The following CYSTM1 variants were observed in gnomAD, a reference collection of about 807,000 sequenced individuals.
CYSTM1 encodes the protein cysteine-rich transmembrane module-containing protein 1.
A neutral mutation model predicts 13.1 loss-of-function variants in CYSTM1; 4 were observed. That is an observed-to-expected ratio of 0.31 (90% CI 0.15 to 0.70). The LOEUF (loss-of-function observed/expected upper bound fraction) is 0.70. CYSTM1 is among the 30% of genes least tolerant of loss of function. The probability of loss-of-function intolerance (pLI) is 0.72; values close to 1 mark genes in which losing one functional copy is unlikely to be tolerated. For synonymous variants in CYSTM1, 36 were observed against 42.7 expected (o/e 0.84, Z 0.62); for missense variants, 96 against 121.6 (o/e 0.79, Z 0.99).
chr5:140,211,532 T>G (rs962790007), intron 2 of CYSTM1, among the ~76,000 whole-genome samples: 7 of 152,218 alleles, frequency 4.6e-5, no homozygotes, highest in African/African-American at 1.7e-4. Context: ...ATCCCCCAGA[T>G]CTCTGACCCA....
intron 2 of CYSTM1, among the ~76,000 whole-genome samples, chr5:140,237,863 AG>A (rs1561484375): frequency 6.6e-6 from 1 of 152,180 alleles, no homozygotes. Flanking sequence ...GGTTTTGTCC[AG>A]GGGCAGCCTC....
chr5:140,227,925 GTGTGTGTATT>G (rs1221415867), intron 2 of CYSTM1, among the ~76,000 whole-genome samples: 1 of 152,174 alleles, frequency 6.6e-6, no homozygotes, highest in African/African-American at 2.4e-5. Context: ...AGAAATGTGT[GTGTGTGTATT>G]TGTGTGTATA....
chr5:140,176,752 C>T (rs1366028913), intron 1 of CYSTM1, among the ~76,000 whole-genome samples: 1 of 152,174 alleles, frequency 6.6e-6, no homozygotes, highest in Non-Finnish European at 1.5e-5. Context: ...GAGTCCCATA[C>T]TATTTGTTGA....
At chr5:140,231,116 T>C (rs755305483) in intron 2 of CYSTM1, among the ~76,000 whole-genome samples, 19 of 152,244 alleles carry the variant, frequency 1.2e-4, no homozygotes, top group Non-Finnish European at 2.4e-4. Flanking sequence ...AATTTATTTT[T>C]GTCTTCTTTT....
chr5:140,203,312 C>T (rs1323159822), intron 2 of CYSTM1: 3 of 152,228 alleles, frequency 2.0e-5, no homozygotes, highest in Non-Finnish European at 4.4e-5. Context: ...TTTCCCCAAA[C>T]CTTACATAGC....
intron 1 of CYSTM1, among the ~76,000 whole-genome samples, chr5:140,192,229 C>T (rs1764103537): frequency 6.6e-6 from 1 of 152,172 alleles, no homozygotes; most frequent in African/African-American, 2.4e-5. Flanking sequence ...CTACTCCTAC[C>T]CAGCAGTCTG....
chr5:140,233,733 T>C (rs553504444), intron 2 of CYSTM1, among the ~76,000 whole-genome samples: 3 of 152,366 alleles, frequency 2.0e-5, no homozygotes, highest in Admixed American at 6.5e-5. Flanking sequence ...TAATAGTTAG[T>C]GATGAAGTCA....
chr5:140,178,191 A>G (rs1415447004), intron 1 of CYSTM1, among the ~76,000 whole-genome samples: 1 of 152,102 alleles, frequency 6.6e-6, no homozygotes, highest in Admixed American at 6.6e-5. Context: ...TTGAGCTCAC[A>G]TTTGTCAACT....
At chr5:140,179,101 A>T (rs1354594095) in intron 1 of CYSTM1, among the ~76,000 whole-genome samples, 1 of 151,528 alleles carries the variant, frequency 6.6e-6, no homozygotes, top group Non-Finnish European at 1.5e-5. Context: ...GCTACAAAAA[A>T]TTTTTAAAAA....
chr5:140,195,679 C>G (rs1020561408), intron 2 of CYSTM1, among the ~76,000 whole-genome samples: 5 of 150,836 alleles, frequency 3.3e-5, no homozygotes, highest in Non-Finnish European at 4.4e-5. Flanking sequence ...GATCCGCCCC[C>G]CTTGGCCTTC....
chr5:140,218,495 G>A (rs1402808315), intron 2 of CYSTM1, among the ~76,000 whole-genome samples: 1 of 152,190 alleles, frequency 6.6e-6, no homozygotes, highest in African/African-American at 2.4e-5. Flanking sequence ...AACCCAATAA[G>A]GGAATAGGTA....
chr5:140,181,694 C>G (rs936677596), intron 1 of CYSTM1, among the ~76,000 whole-genome samples: 7 of 152,120 alleles, frequency 4.6e-5, no homozygotes, highest in Non-Finnish European at 1.0e-4. Context: ...ACTATGTTGC[C>G]CAGGCTGGTC....
At chr5:140,226,512 ATT>A (rs1561816364) in intron 2 of CYSTM1, among the ~76,000 whole-genome samples, 21 of 124,462 alleles carry the variant, frequency 1.7e-4, no homozygotes, top group African/African-American at 3.0e-4. Context: ...ATAAATATAT[ATT>A]AATAATATAT....
intron 2 of CYSTM1, among the ~76,000 whole-genome samples, chr5:140,241,524 A>G (rs972237555): frequency 4.6e-5 from 7 of 152,240 alleles, no homozygotes; most frequent in African/African-American, 1.7e-4. Context: ...GATGGCCTGC[A>G]CATGAATCAA....
rs1764611541 is a variant in CYSTM1 at position 140,230,994 on chromosome 5, A to G, written c.188-12311A>G. On this transcript the variant is annotated intron_variant, in intron 2 of 2. Coordinates refer to ENST00000261811, the MANE Select transcript of CYSTM1 (RefSeq NM_032412.4). The surrounding 1 kb of genome is among the most constrained non-coding windows in gnomAD (Gnocchi z 4.1). ...CATTTTAGAATGTGTGTTAGTTTCT[A>G]CAGAAAACCATGTTTGGCTTTGATT... Among the ~76,000 whole-genome samples the G allele has an allele frequency of 6.6e-6, 1 of 152,138 alleles. No homozygotes were observed. Among genetic ancestry groups the G allele is most frequent in the African/African-American group, 2.4e-5 (1 of 41,402 alleles).
chr5:140,205,136 T>G (rs1411987500), intron 2 of CYSTM1, among the ~76,000 whole-genome samples: 1 of 152,204 alleles, frequency 6.6e-6, no homozygotes, highest in East Asian at 1.9e-4. Flanking sequence ...TCTTTGTGAT[T>G]TGAAGACATG....
At chr5:140,204,760 A>AC (rs1253124534) in intron 2 of CYSTM1, among the ~76,000 whole-genome samples, 3 of 149,428 alleles carry the variant, frequency 2.0e-5, no homozygotes, top group Non-Finnish European at 4.5e-5. Context: ...CTGCATCTTC[A>AC]ACAGTGCTGA....
rs1764723698 is a variant in CYSTM1, at chr5:140,239,629, TTTCTGACCTAGCCTGGGCTCCTGGGCCA to T, written c.188-3675_188-3648del. ...CCTGAGACCCAGGGCTTCCTGGGCC[TTTCTGACCTAGCCTGGGCTCCTGGGCCA>T]CATCTGTGTGCTCACGCACCTCTCC... On this transcript the variant is annotated intron_variant, in intron 2 of 2. Coordinates refer to ENST00000261811, the MANE Select transcript of CYSTM1 (RefSeq NM_032412.4). The surrounding 1 kb of genome is among the most constrained non-coding windows in gnomAD (Gnocchi z 5.4). 6.6e-6 allele frequency among the ~76,000 whole-genome samples: 1 copy of T among 152,226 alleles called. No individual in the cohort carries two copies. The highest frequency in any genetic ancestry group is 1.5e-5 in the Non-Finnish European group (1 of 68,036).
chr5:140,226,255 A>G (rs1350181445), intron 2 of CYSTM1, among the ~76,000 whole-genome samples: 1 of 151,682 alleles, frequency 6.6e-6, no homozygotes, highest in East Asian at 1.9e-4. Context: ...TGAGGGTTGG[A>G]GAGGTTATTA....
Sources: gnomAD v4.1 joint callset for allele counts (sites outside exome capture counted in the v4.1 genomes callset) on GRCh38, gnomAD v4.1.1 for gene constraint, Gnocchi (gnomAD v3.1) non-coding constraint, MANE v1.5 for transcripts, NCBI Gene and HGNC (gene_info 2026-07-23, HGNC 2026-07-21) for gene names.